TMEM233: variants seen among roughly 807,000 people sequenced by gnomAD.
TMEM233 encodes transmembrane protein 233.
TMEM233 carries 6 observed loss-of-function variants against 11.2 expected under a neutral mutation model. That is an observed-to-expected ratio of 0.54 (90% CI 0.29 to 1.06). The LOEUF (loss-of-function observed/expected upper bound fraction) is 1.06. TMEM233 is among the 50% of genes least tolerant of loss of function. TMEM233 has a pLI of 0.08. For synonymous variants in TMEM233, 59 were observed against 55.8 expected (o/e 1.06, Z -0.26); for missense variants, 127 against 144.7 (o/e 0.88, Z 0.63).
At chr12:119,629,985 T>C in intron 2 of TMEM233, 113 bp downstream of exon 2, 1 of 1,183,290 alleles carries the variant, frequency 8.5e-7, no homozygotes, top group Non-Finnish European at 1.2e-6. Flanking sequence ...AGCCAAAGGG[T>C]TTTCATGTTT....
At chr12:119,624,752 A>G (rs903220444) in intron 1 of TMEM233, among the ~76,000 whole-genome samples, 19 of 143,160 alleles carry the variant, frequency 1.3e-4, no homozygotes, top group Admixed American at 4.1e-4. Context: ...TTCCAGAGAT[A>G]GATGGTGGGT....
chr12:119,599,434 T>TAA (rs5801352), intron 1 of TMEM233, among the ~76,000 whole-genome samples: 35 of 151,830 alleles, frequency 2.3e-4, no homozygotes, highest in South Asian at 1.9e-3. Flanking sequence ...CCCAGAATTT[T>TAA]AAAAAAAATC....
At chr12:119,628,715 T>C (rs1035519464) in intron 1 of TMEM233, among the ~76,000 whole-genome samples, 2 of 150,610 alleles carry the variant, frequency 1.3e-5, no homozygotes, top group Non-Finnish European at 3.0e-5. Context: ...TTAGCCAGGA[T>C]GGTCTTGATC....
intron 2 of TMEM233, among the ~76,000 whole-genome samples, chr12:119,637,184 A>G (rs904592752): frequency 3.3e-5 from 5 of 152,230 alleles, no homozygotes; most frequent in Non-Finnish European, 5.9e-5. Flanking sequence ...GATCTGCCAC[A>G]TGTTAAATGC....
In TMEM233 at chr12:119,607,347, C is replaced by T. The variant is rs537252256; in HGVS notation, c.186+13313C>T. 1.6e-4 allele frequency among the ~76,000 whole-genome samples: 25 copies of T among 152,230 alleles called. No individual in the cohort carries two copies. The South Asian group carries it at 3.7e-3, about 23-fold the overall frequency. ...ATCACCTACCTCAGAGCTCCAGTGGCGCAATCGGTTAGCGCGCGGTATTTC... is the reference window on the plus strand; with the variant it reads ...ATCACCTACCTCAGAGCTCCAGTGGTGCAATCGGTTAGCGCGCGGTATTTC... On this transcript the variant is annotated intron_variant, in intron 1 of 2. Coordinates refer to ENST00000426426, the MANE Select transcript of TMEM233 (RefSeq NM_001136534.3).
intron 2 of TMEM233, among the ~76,000 whole-genome samples, chr12:119,637,203 T>C (rs1954982665): frequency 6.6e-6 from 1 of 152,210 alleles, no homozygotes; most frequent in African/African-American, 2.4e-5. Context: ...GCACATACAA[T>C]GTAACTCCCC....
intron 2 of TMEM233, among the ~76,000 whole-genome samples, chr12:119,638,919 T>C (rs749400572): frequency 7.9e-5 from 12 of 151,950 alleles, no homozygotes; most frequent in Non-Finnish European, 1.5e-4. Flanking sequence ...ACTATGACTT[T>C]ACAAGCCCTG....
At chr12:119,638,506 C>T (rs758291166) in intron 2 of TMEM233, among the ~76,000 whole-genome samples, 5 of 151,934 alleles carry the variant, frequency 3.3e-5, no homozygotes, top group African/African-American at 7.3e-5. Context: ...TGCCCAGGGC[C>T]CACCCTGGAC....
chr12:119,600,203 A>G (rs1199977782), intron 1 of TMEM233, among the ~76,000 whole-genome samples: 1 of 152,046 alleles, frequency 6.6e-6, no homozygotes, highest in Admixed American at 6.5e-5. Context: ...AAAAAAAAAA[A>G]AAAAATGAAG....
Position 119,594,024 on chromosome 12 carries a change from T to C in TMEM233, c.176T>C (p.Phe59Ser). The change falls in exon 1 of 3, where the codon TTT (phenylalanine) becomes TCT (serine). Residue 59 changes from phenylalanine (F) to serine (S), a missense_variant. Phe to Ser is a radical substitution (Grantham distance 155). Transcript: ENST00000426426. The surrounding 1 kb of genome is among the most constrained non-coding windows in gnomAD (Gnocchi z 5.6). ...CCCATCAACATCGTGGCTTTGGTCT[T>C]TTCCATCATGGTGAGTGAATCACGG... ...AYPINIVALV[F>S]SIMSLNSYND... 6.4e-7 allele frequency: 1 copy of C among 1,551,616 alleles called. No homozygotes were observed. The highest frequency in any genetic ancestry group is 8.7e-7 in the Non-Finnish European group (1 of 1,146,934).
At chr12:119,650,987 C>G in the TMEM233 span, among the ~76,000 whole-genome samples, 4 of 152,126 alleles carry the variant, frequency 2.6e-5, no homozygotes, top group African/African-American at 2.4e-5. Context: ...ACTTCAATGT[C>G]TAAGATATAT....
chr12:119,606,494 C>T (rs927679079), intron 1 of TMEM233, among the ~76,000 whole-genome samples: 7 of 152,016 alleles, frequency 4.6e-5, no homozygotes, highest in African/African-American at 1.2e-4. Context: ...AATTAGAAGA[C>T]GTTGTTTGAA....
At chr12:119,624,373 T>A (rs1035473225) in intron 1 of TMEM233, among the ~76,000 whole-genome samples, 14 of 150,970 alleles carry the variant, frequency 9.3e-5, no homozygotes, top group South Asian at 4.2e-4. Context: ...AAAAAAAAAA[T>A]TTTAATGATA....
chr12:119,613,979 A>G (rs1226193128), intron 1 of TMEM233, among the ~76,000 whole-genome samples: 1 of 151,974 alleles, frequency 6.6e-6, no homozygotes, highest in African/African-American at 2.4e-5. Flanking sequence ...GGAGACAGTG[A>G]GCAAGGGAAA....
At chr12:119,633,817 G>A (rs1202226064) in intron 2 of TMEM233, among the ~76,000 whole-genome samples, 2 of 152,146 alleles carry the variant, frequency 1.3e-5, no homozygotes, top group Admixed American at 1.3e-4. Flanking sequence ...ATGGCAATAT[G>A]AAACTTTTAA....
chr12:119,609,742 G>A (rs539036497), intron 1 of TMEM233, among the ~76,000 whole-genome samples: 8 of 152,362 alleles, frequency 5.3e-5, no homozygotes, highest in South Asian at 2.1e-4. Flanking sequence ...CAAGAATTGA[G>A]GTTTGGGAAC....
chr12:119,621,675 C>T (rs1251947801), intron 1 of TMEM233, among the ~76,000 whole-genome samples: 1 of 152,168 alleles, frequency 6.6e-6, no homozygotes, highest in East Asian at 1.9e-4. Context: ...GTTGTGAGGA[C>T]CAATACAATA....
At chr12:119,621,427 C>T (rs921639581) in intron 1 of TMEM233, among the ~76,000 whole-genome samples, 9 of 152,190 alleles carry the variant, frequency 5.9e-5, no homozygotes, top group Non-Finnish European at 1.2e-4. Context: ...AAGCGATCCT[C>T]CTGCCTCAGC....
downstream of TMEM233, among the ~76,000 whole-genome samples, chr12:119,644,489 T>C (rs1188700750): frequency 1.3e-5 from 2 of 149,430 alleles, no homozygotes; most frequent in Non-Finnish European, 3.0e-5. Flanking sequence ...TTTTTTTTTT[T>C]TTTTTTTGAG....
Sources: gnomAD v4.1 joint callset for allele counts (sites outside exome capture counted in the v4.1 genomes callset) on GRCh38, gnomAD v4.1.1 for gene constraint, Gnocchi (gnomAD v3.1) non-coding constraint, MANE v1.5 for transcripts, NCBI Gene and HGNC (gene_info 2026-07-23, HGNC 2026-07-21) for gene names.